The following NTN1 variants were observed in gnomAD, a reference collection of about 807,000 sequenced individuals.
The protein encoded by NTN1 is netrin-1.
A neutral mutation model predicts 54.2 loss-of-function variants in NTN1; 11 were observed. That is an observed-to-expected ratio of 0.20 (90% confidence interval 0.13 to 0.34). NTN1 has a LOEUF of 0.34. NTN1 is among the 10% of genes least tolerant of loss of function. NTN1 has a pLI of 1.00. For missense variants in NTN1, 740 were observed against 893.1 expected, an observed-to-expected ratio of 0.83 and a Z score of 2.18; for synonymous variants, 371 against 382.0, an observed-to-expected ratio of 0.97 and a Z score of 0.33.
At chr17:9,058,005 A>G (rs764835804) in intron 2 of NTN1, among the ~76,000 whole-genome samples, 9 of 152,170 alleles carry the variant, frequency 5.9e-5, no homozygotes, top group Non-Finnish European at 1.3e-4. Flanking sequence ...CTCCTGCCTC[A>G]GCCTCCCGAG....
intron 2 of NTN1, among the ~76,000 whole-genome samples, chr17:9,057,792 C>T (rs781515581): frequency 7.2e-5 from 11 of 152,172 alleles, no homozygotes; most frequent in Non-Finnish European, 1.6e-4. Context: ...TCATGAGAAT[C>T]GTATTTTTAC....
intron 2 of NTN1, among the ~76,000 whole-genome samples, chr17:9,134,134 AC>A (rs1264739629): frequency 2.0e-5 from 3 of 151,522 alleles, no homozygotes; most frequent in East Asian, 3.9e-4. Flanking sequence ...TGAACTCCTG[AC>A]CTTGTGATCT....
chr17:9,097,439 A>G (rs1386607879), intron 2 of NTN1, among the ~76,000 whole-genome samples: 2 of 152,206 alleles, frequency 1.3e-5, no homozygotes, highest in East Asian at 1.9e-4. Context: ...CCTGGCCAAC[A>G]TGGTGAAACC....
intron 2 of NTN1, among the ~76,000 whole-genome samples, chr17:9,101,968 C>T (rs1435869653): frequency 1.3e-5 from 2 of 152,186 alleles, no homozygotes; most frequent in African/African-American, 4.8e-5. Flanking sequence ...TGCACGCCAG[C>T]CTGGGCAACG....
At chr17:9,163,532 A>G (rs2092365194) in intron 3 of NTN1, among the ~76,000 whole-genome samples, 1 of 147,540 alleles carries the variant, frequency 6.8e-6, no homozygotes, top group South Asian at 2.2e-4. Flanking sequence ...GTACAGTCAC[A>G]GCGGAGTCGG....
At chr17:9,222,186 C>T (rs1340948706) in intron 6 of NTN1, among the ~76,000 whole-genome samples, 1 of 152,122 alleles carries the variant, frequency 6.6e-6, no homozygotes, top group East Asian at 1.9e-4. Context: ...CTGGGGCTGG[C>T]CCCCCAATTC....
At chr17:9,118,609 A>C (rs1262081429) in intron 2 of NTN1, among the ~76,000 whole-genome samples, 1 of 152,238 alleles carries the variant, frequency 6.6e-6, no homozygotes, top group Non-Finnish European at 1.5e-5. Context: ...CCCAAAATAA[A>C]ACCCATACCC....
chr17:9,079,571 T>C (rs2092063354), intron 2 of NTN1, among the ~76,000 whole-genome samples: 2 of 152,188 alleles, frequency 1.3e-5, no homozygotes, highest in Admixed American at 1.3e-4. Flanking sequence ...AGGAAGTGGT[T>C]CCCCAGAGGA....
At chr17:9,181,955 A>G (rs2092419972) in intron 4 of NTN1, among the ~76,000 whole-genome samples, 1 of 152,156 alleles carries the variant, frequency 6.6e-6, no homozygotes, top group African/African-American at 2.4e-5. Context: ...AGTAGTAGGA[A>G]CCAACTGCTT....
At chr17:9,089,566 G>A (rs1264540123) in intron 2 of NTN1, among the ~76,000 whole-genome samples, 2 of 152,168 alleles carry the variant, frequency 1.3e-5, no homozygotes, top group African/African-American at 4.8e-5. Context: ...GATGTTCCCT[G>A]TTCTCTACCC....
intron 2 of NTN1, among the ~76,000 whole-genome samples, chr17:9,141,297 G>T (rs76619136): frequency 8.3e-4 from 126 of 152,110 alleles, no homozygotes; most frequent in Admixed American, 2.8e-3. Flanking sequence ...TTTAATGAGG[G>T]GGGGGAGAAG....
intron 2 of NTN1, among the ~76,000 whole-genome samples, chr17:9,080,225 G>T (rs188994698): frequency 3.3e-5 from 5 of 152,338 alleles, no homozygotes; most frequent in Admixed American, 1.3e-4. Context: ...AGCCCCCTGC[G>T]TGACCTCTGA....
At chr17:9,075,097 C>G (rs150026016) in intron 2 of NTN1, among the ~76,000 whole-genome samples, 10 of 152,280 alleles carry the variant, frequency 6.6e-5, no homozygotes, top group Middle Eastern at 3.4e-3. Flanking sequence ...GTCTCTGGAG[C>G]CAGGCTACCA....
At chr17:9,092,061 T>G (rs1483019675) in intron 2 of NTN1, among the ~76,000 whole-genome samples, 1 of 151,764 alleles carries the variant, frequency 6.6e-6, no homozygotes, top group East Asian at 1.9e-4. Context: ...GGCTAATTTT[T>G]GTATTTTTAG....
Position 9,219,382 on chromosome 17 carries a change from G to T in NTN1, c.1412-1786G>T, listed in dbSNP as rs1905281539. On this transcript the variant is annotated intron_variant, in intron 5 of 6. Coordinates refer to ENST00000173229, the MANE Select transcript of NTN1 (RefSeq NM_004822.3). The surrounding 1 kb of genome is among the most constrained non-coding windows in gnomAD (Gnocchi z 4.5). ...GGACTGTGGCCACCAGTGCCATGGA[G>T]CAGGGGTGTCATGAAGGGGCTCCGA... Among the ~76,000 whole-genome samples, 2 of 152,354 alleles carry T rather than the reference G, an allele frequency of 1.3e-5. No individual in the cohort carries two copies. Among genetic ancestry groups the T allele is most frequent in the Non-Finnish European group, 2.9e-5 (2 of 68,030 alleles).
chr17:9,026,438 G>A (rs942336329), intron 2 of NTN1, among the ~76,000 whole-genome samples: 16 of 151,526 alleles, frequency 1.1e-4, no homozygotes, highest in Non-Finnish European at 1.3e-4. Flanking sequence ...AAGACAAGAC[G>A]ATGTATAATG....
chr17:9,224,046 C>T (rs1905454499), intron 6 of NTN1, among the ~76,000 whole-genome samples: 1 of 152,212 alleles, frequency 6.6e-6, no homozygotes, highest in African/African-American at 2.4e-5. Flanking sequence ...CCCACAGCCT[C>T]TGCTCTGTTC....
At position 9,179,872 on chromosome 17, in the gene NTN1, T is replaced by A. The variant is rs1352940456; in HGVS notation, c.1273T>A (p.Cys425Ser). 1 of 1,613,994 alleles carries A rather than the reference T, an allele frequency of 6.2e-7. No homozygotes were observed. Among genetic ancestry groups the A allele is most frequent in the African/African-American group, 1.3e-5 (1 of 74,940 alleles). The change falls in exon 4 of 7, where the codon TGC becomes AGC. Residue 425 changes from cysteine to serine, a missense_variant. Cys to Ser is a moderately radical substitution (Grantham distance 112). Coordinates refer to ENST00000173229, the MANE Select transcript of NTN1 (RefSeq NM_004822.3). ...TCNQTTGQCPCKDGVTGITCN... is the reference protein window; with the variant it reads ...TCNQTTGQCPSKDGVTGITCN... ...CAACCAAACCACCGGCCAGTGTCCC[T>A]GCAAGGACGGCGTGACGGGTATCAC...
intron 5 of NTN1, among the ~76,000 whole-genome samples, chr17:9,188,828 A>G (rs1038156754): frequency 2.0e-5 from 3 of 152,154 alleles, no homozygotes; most frequent in Admixed American, 1.3e-4. Context: ...TGTGGGGTCC[A>G]CAGAGGAGAC....
Sources: allele counts gnomAD v4.1 joint callset (sites outside exome capture counted in the v4.1 genomes callset), GRCh38; gene constraint gnomAD v4.1.1; non-coding constraint Gnocchi (gnomAD v3.1); transcripts MANE v1.5; gene names NCBI Gene and HGNC (gene_info 2026-07-23, HGNC 2026-07-21).